The following ERC2 variants were observed in gnomAD, a reference collection of about 807,000 sequenced individuals.
ERC2 encodes the protein ELKS/RAB6-interacting/CAST family member 2.
Under a neutral mutation model 114.8 loss-of-function variants are expected in ERC2, and 42 were observed. The ratio of observed to expected loss-of-function variants is 0.37; its 90% CI spans 0.29 to 0.47. The LOEUF is 0.47. Among genes scored for constraint, ERC2 ranks in the 20% least tolerant of loss-of-function variants. ERC2 has a pLI of 0.99. For missense variants in ERC2, 939 were observed against 1,150.7 expected (o/e 0.82, Z 2.66); for synonymous variants, 454 against 425.5 (o/e 1.07, Z -0.82).
intron 17 of ERC2, among the ~76,000 whole-genome samples, chr3:55,563,425 T>C (rs948532679): frequency 6.6e-6 from 1 of 151,922 alleles, no homozygotes; most frequent in Non-Finnish European, 1.5e-5. Flanking sequence ...GTCACAAGCA[T>C]GAAGAAACTA....
chr3:55,537,923 T>A (rs1319991703), intron 17 of ERC2, among the ~76,000 whole-genome samples: 1 of 152,154 alleles, frequency 6.6e-6, no homozygotes, highest in Non-Finnish European at 1.5e-5. Context: ...GAACACTGCA[T>A]CCCCTTCCCC....
intron 17 of ERC2, among the ~76,000 whole-genome samples, chr3:55,522,887 G>A (rs1296530572): frequency 6.6e-6 from 1 of 152,222 alleles, no homozygotes; most frequent in Non-Finnish European, 1.5e-5. Flanking sequence ...AGATGTAGAC[G>A]TACCCTGAGA....
At chr3:56,356,006 G>A (rs895383772) in intron 2 of ERC2, among the ~76,000 whole-genome samples, 5 of 152,096 alleles carry the variant, frequency 3.3e-5, no homozygotes, top group South Asian at 4.1e-4. Context: ...TGAATCAGAC[G>A]GCCTCACAAC....
intron 7 of ERC2, among the ~76,000 whole-genome samples, chr3:56,038,891 T>A (rs551804433): frequency 6.6e-6 from 1 of 152,230 alleles, no homozygotes; most frequent in South Asian, 2.1e-4. Flanking sequence ...AATGAGAACA[T>A]ATGGACACAG....
chr3:56,263,360 T>TAA (rs200286564), intron 3 of ERC2, among the ~76,000 whole-genome samples: 13 of 135,142 alleles, frequency 9.6e-5, no homozygotes, highest in African/African-American at 1.9e-4. Flanking sequence ...ACAGTGAAAT[T>TAA]AAAAAAAAAA....
chr3:55,768,808 C>T (rs2067998824), intron 14 of ERC2, among the ~76,000 whole-genome samples: 1 of 152,188 alleles, frequency 6.6e-6, no homozygotes, highest in African/African-American at 2.4e-5. Context: ...CAGCAGGTTA[C>T]ACACCCTAGT....
At chr3:56,454,004 AC>A (rs1316189945) in intron 1 of ERC2, among the ~76,000 whole-genome samples, 1 of 152,188 alleles carries the variant, frequency 6.6e-6, no homozygotes, top group Non-Finnish European at 1.5e-5. Flanking sequence ...GAAAGGCAAC[AC>A]ATGCACCCAC....
intron 13 of ERC2, among the ~76,000 whole-genome samples, chr3:55,921,454 G>T (rs2149384308): frequency 6.6e-6 from 1 of 152,144 alleles, no homozygotes; most frequent in East Asian, 1.9e-4. Context: ...GTTTTATCAG[G>T]CAAGGTTTGG....
intron 2 of ERC2, among the ~76,000 whole-genome samples, chr3:56,400,243 G>A (rs1328200222): frequency 1.3e-5 from 2 of 152,128 alleles, no homozygotes; most frequent in Non-Finnish European, 1.5e-5. Flanking sequence ...TAGATGAGGA[G>A]CTGGTAGTTG....
chr3:55,851,075 T>C (rs181319869), intron 14 of ERC2, among the ~76,000 whole-genome samples: 299 of 152,164 alleles, frequency 2.0e-3, no homozygotes, highest in African/African-American at 6.9e-3. Flanking sequence ...CCATCAGATG[T>C]TGTTTGAAAT....
intron 2 of ERC2, among the ~76,000 whole-genome samples, chr3:56,413,326 T>C: frequency 6.6e-6 from 1 of 152,226 alleles, no homozygotes; most frequent in East Asian, 1.9e-4. Flanking sequence ...CTTTATTCTT[T>C]CACTTCTGGG....
At chr3:56,385,832 C>G (rs2059914927) in intron 2 of ERC2, among the ~76,000 whole-genome samples, 1 of 152,070 alleles carries the variant, frequency 6.6e-6, no homozygotes, top group African/African-American at 2.4e-5. Context: ...CTAAAGACAC[C>G]AAGGCTGGAG....
At chr3:55,514,837 C>G (rs2052375547) in intron 17 of ERC2, among the ~76,000 whole-genome samples, 2 of 152,228 alleles carry the variant, frequency 1.3e-5, no homozygotes, top group African/African-American at 4.8e-5. Flanking sequence ...ATCTGGACTT[C>G]TGACCTATGC....
chr3:56,057,968 C>T (rs1017965881), intron 7 of ERC2, among the ~76,000 whole-genome samples: 1 of 152,046 alleles, frequency 6.6e-6, no homozygotes, highest in Non-Finnish European at 1.5e-5. Context: ...ACATAATGTT[C>T]CACATTAAAT....
Position 56,226,377 on chromosome 3 carries a change from C to G in ERC2, c.1075-52857G>C, listed in dbSNP as rs935314551. On this transcript the variant is annotated intron_variant, in intron 3 of 17. Transcript: ENST00000288221. ...ATATAACAGAGGCTCAAAATATTTG[C>G]TAACGTTCTGTAGTTGTACAAAATT... Among the ~76,000 whole-genome samples the G allele has an allele frequency of 2.0e-5, 3 of 152,192 alleles. No individual in the cohort carries two copies. In the East Asian group the frequency reaches 5.8e-4, roughly 29 times the overall value.
intron 2 of ERC2, among the ~76,000 whole-genome samples, chr3:56,419,405 A>G (rs1028599971): frequency 1.3e-5 from 2 of 152,234 alleles, no homozygotes; most frequent in African/African-American, 2.4e-5. Flanking sequence ...TGCTTTTACT[A>G]TGTGACACCT....
chr3:55,578,656 T>A (rs775658159), intron 17 of ERC2, among the ~76,000 whole-genome samples: 1 of 152,216 alleles, frequency 6.6e-6, no homozygotes, highest in Non-Finnish European at 1.5e-5. Context: ...CAAATCTTAG[T>A]GGCTTAAAAT....
At chr3:56,051,296 C>A (rs1035539841) in intron 7 of ERC2, among the ~76,000 whole-genome samples, 1 of 152,170 alleles carries the variant, frequency 6.6e-6, no homozygotes, top group African/African-American at 2.4e-5. Flanking sequence ...ATGGTTTTAA[C>A]ATTTTTCATT....
intron 2 of ERC2, among the ~76,000 whole-genome samples, chr3:56,351,884 T>C (rs2058566453): frequency 6.6e-6 from 1 of 152,138 alleles, no homozygotes; most frequent in African/African-American, 2.4e-5. Context: ...TGCTGGGCAA[T>C]TACAGACACG....
Sources: allele counts gnomAD v4.1 joint callset (sites outside exome capture counted in the v4.1 genomes callset), GRCh38; gene constraint gnomAD v4.1.1; transcripts MANE v1.5; gene names NCBI Gene and HGNC (gene_info 2026-07-23, HGNC 2026-07-21).